Variants in PGM5 observed in about 807,000 individuals in gnomAD.
The protein encoded by PGM5 is phosphoglucomutase 5, also known as phosphoglucomutase-like protein 5.
PGM5 carries 23 observed loss-of-function variants against 59.2 expected under a neutral mutation model. The ratio of observed to expected loss-of-function variants is 0.39; its 90% confidence interval spans 0.28 to 0.55. PGM5 has a LOEUF of 0.55. PGM5 is among the 20% of genes least tolerant of loss of function. The pLI, the probability that PGM5 is intolerant of heterozygous loss-of-function variation, is 0.66. For missense variants in PGM5, 574 were observed against 748.3 expected (o/e 0.77, Z 2.72); for synonymous variants, 214 against 286.0 (o/e 0.75, Z 2.54).
At chr9:68,409,800 C>T (rs1277734119) in intron 6 of PGM5, among the ~76,000 whole-genome samples, 1 of 143,780 alleles carries the variant, frequency 7.0e-6, no homozygotes, top group Non-Finnish European at 1.5e-5. Context: ...GGGTGCAGCC[C>T]ACCAGCATGG....
At chr9:68,467,961 C>T (rs11792137) in intron 7 of PGM5, among the ~76,000 whole-genome samples, 13,442 of 151,826 alleles carry the variant, frequency 0.089, 1,143 homozygotes, top group African/African-American at 0.22. Context: ...TATATAATCA[C>T]ATAATCTATG....
At chr9:68,441,829 G>A (rs977553826) in intron 6 of PGM5, among the ~76,000 whole-genome samples, 9 of 151,462 alleles carry the variant, frequency 5.9e-5, no homozygotes, top group Admixed American at 6.6e-5. Context: ...CATAAATAAC[G>A]TAATTGTCTA....
chr9:68,400,431 G>T (rs1554680491), intron 6 of PGM5, among the ~76,000 whole-genome samples: 1 of 151,782 alleles, frequency 6.6e-6, no homozygotes, highest in Non-Finnish European at 1.5e-5. Flanking sequence ...TATTCCCTTT[G>T]CCCCACCTCA....
chr9:68,463,196 T>C (rs1413536307), intron 6 of PGM5, among the ~76,000 whole-genome samples: 1 of 151,184 alleles, frequency 6.6e-6, no homozygotes. Context: ...TTTTTTTTTT[T>C]CCTTATTTGA....
intron 10 of PGM5, among the ~76,000 whole-genome samples, chr9:68,524,878 C>T (rs1824948781): frequency 1.3e-5 from 2 of 152,190 alleles, no homozygotes; most frequent in African/African-American, 2.4e-5. Context: ...AGATGTGTGA[C>T]CGTGGGTCAA....
intron 4 of PGM5, among the ~76,000 whole-genome samples, chr9:68,389,577 T>C (rs1822314559): frequency 6.6e-6 from 1 of 152,158 alleles, no homozygotes; most frequent in South Asian, 2.1e-4. Flanking sequence ...GTATCAGTAG[T>C]TGTTCCTTTT....
intron 1 of PGM5, among the ~76,000 whole-genome samples, chr9:68,368,853 C>T (rs1834730050): frequency 6.6e-6 from 1 of 152,202 alleles, no homozygotes; most frequent in Admixed American, 6.5e-5. Flanking sequence ...CTGTATTGCC[C>T]AGGCTGCTCT....
chr9:68,422,572 G>A (rs1823151077), intron 6 of PGM5, among the ~76,000 whole-genome samples: 1 of 152,042 alleles, frequency 6.6e-6, no homozygotes, highest in African/African-American at 2.4e-5. Flanking sequence ...AATTATAGGT[G>A]TGAGCCACCT....
At chr9:68,395,170 G>T (rs868951268) in intron 6 of PGM5, among the ~76,000 whole-genome samples, 7 of 152,166 alleles carry the variant, frequency 4.6e-5, no homozygotes, top group Non-Finnish European at 7.4e-5. Context: ...CACGGTATAA[G>T]GTAGGGGTCG....
At chr9:68,446,655 TCTTG>T (rs1346792488) in intron 6 of PGM5, among the ~76,000 whole-genome samples, 1 of 152,232 alleles carries the variant, frequency 6.6e-6, no homozygotes, top group Non-Finnish European at 1.5e-5. Flanking sequence ...AGGTTTTTAT[TCTTG>T]CTTTATTTTT....
chr9:68,496,949 T>C (rs1188604345), intron 9 of PGM5: 1 of 152,194 alleles, frequency 6.6e-6, no homozygotes, highest in East Asian at 1.9e-4. Context: ...TAAGCCATAG[T>C]TCTGAGCAGA....
chr9:68,429,206 T>G (rs1346880432), intron 6 of PGM5: 1 of 152,198 alleles, frequency 6.6e-6, no homozygotes, highest in African/African-American at 2.4e-5. Flanking sequence ...AAACTTTTCG[T>G]ATGTATTAGT....
chr9:68,413,733 T>C (rs1554681790), intron 6 of PGM5, among the ~76,000 whole-genome samples: 3 of 152,200 alleles, frequency 2.0e-5, no homozygotes, highest in African/African-American at 4.8e-5. Flanking sequence ...GGTTATTGCC[T>C]CCACTATTTT....
intron 6 of PGM5, among the ~76,000 whole-genome samples, chr9:68,438,726 A>G (rs1823479906): frequency 1.3e-5 from 2 of 152,168 alleles, no homozygotes; most frequent in South Asian, 2.1e-4. Flanking sequence ...GTATTCTTCC[A>G]CTTGAACCCA....
chr9:68,530,976 G>T lies in PGM5; in HGVS notation c.*1320G>T, dbSNP rs1825071814. ...AGGAAACATTCCCAGTAAGGTATTTGTTTCCATTTTCTGTCTGTGCTTCTG... is the reference window on the plus strand; with the variant it reads ...AGGAAACATTCCCAGTAAGGTATTTTTTTCCATTTTCTGTCTGTGCTTCTG... On this transcript the variant is annotated 3_prime_UTR_variant, in exon 11 of 11. Coordinates refer to ENST00000396396, the MANE Select transcript of PGM5 (RefSeq NM_021965.4). 1 of 152,132 alleles carries T rather than the reference G, an allele frequency of 6.6e-6. No individual in the cohort carries two copies. Among genetic ancestry groups the T allele is most frequent in the African/African-American group, 2.4e-5 (1 of 41,428 alleles). The allele number at this position is 152,132 out of a possible 1,614,324, so 9.4% of individuals were successfully genotyped here.
rs1047852119 is a variant in PGM5, at chr9:68,529,562, T to G, written c.1615-5T>G. On this transcript the variant is annotated splice_region_variant and splice_polypyrimidine_tract_variant and intron_variant, in intron 10 of 10. Transcript: ENST00000396396. Reference sequence around the variant, plus strand: ...TGTTCACAGACTTTCCTTTTCCTTTTGCAGGCAGTGCTGAGCCCTCTCATA... The same window carrying G: ...TGTTCACAGACTTTCCTTTTCCTTTGGCAGGCAGTGCTGAGCCCTCTCATA... 3.8e-6 allele frequency: 6 copies of G among 1,585,340 alleles called. No homozygotes were observed. The highest frequency in any genetic ancestry group is 2.7e-5 in the African/African-American group (2 of 74,500).
intron 6 of PGM5, among the ~76,000 whole-genome samples, chr9:68,412,665 G>A (rs1219595954): frequency 6.6e-6 from 1 of 152,174 alleles, no homozygotes; most frequent in Non-Finnish European, 1.5e-5. Flanking sequence ...TTATGCATCA[G>A]TATCCAGCTG....
intron 8 of PGM5, among the ~76,000 whole-genome samples, chr9:68,482,931 T>G (rs1219675928): frequency 2.0e-5 from 3 of 152,268 alleles, no homozygotes; most frequent in Admixed American, 1.3e-4. Flanking sequence ...CTAATCGACT[T>G]CCAGCCCCAT....
chr9:68,499,269 C>A lies in PGM5; in HGVS notation c.1522C>A (p.Arg508=). The change falls in exon 10 of 11, where the codon CGG becomes AGG. Residue 508 remains arginine (R), a synonymous_variant. Transcript: ENST00000396396. ...CTCGGATGCATCACGGCTCATCTTC[C>A]GGCTCAGTTCCTCCAGTGGTGTGCG... The part of the protein sequence containing the change: ...IFSDASRLIF[R]LSSSSGVRAT... 6.2e-7 allele frequency: 1 copy of A among 1,614,152 alleles called. No individual in the cohort carries two copies. Among genetic ancestry groups the A allele is most frequent in the Non-Finnish European group, 8.5e-7 (1 of 1,180,018 alleles).
Sources: allele counts gnomAD v4.1 joint callset (sites outside exome capture counted in the v4.1 genomes callset), GRCh38; gene constraint gnomAD v4.1.1; transcripts MANE v1.5; gene names NCBI Gene and HGNC (gene_info 2026-07-23, HGNC 2026-07-21).